LYSMD2: variants seen among roughly 807,000 people sequenced by gnomAD.
LYSMD2 encodes LysM domain containing 2.
A neutral mutation model predicts 17.7 loss-of-function variants in LYSMD2; 6 were observed. That is an observed-to-expected ratio of 0.34 (90% confidence interval 0.19 to 0.67). The LOEUF (loss-of-function observed/expected upper bound fraction) is 0.67. Ranked by LOEUF, LYSMD2 falls within the 30% of genes least tolerant of loss-of-function variation. The pLI, the probability that LYSMD2 is intolerant of heterozygous loss-of-function variation, is 0.69. For synonymous variants in LYSMD2, 102 were observed against 129.8 expected, an observed-to-expected ratio of 0.79 and a Z score of 1.45; for missense variants, 237 against 286.7, an observed-to-expected ratio of 0.83 and a Z score of 1.25.
At chr15:51,725,245 G>T in intron 1 of LYSMD2, 124 bp from the exon 2 acceptor site, 1 of 605,328 alleles carries the variant, frequency 1.7e-6, no homozygotes, top group Non-Finnish European at 2.8e-6. Context: ...TGGGATTTGA[G>T]ACTCTTCATT....
intron 1 of LYSMD2, among the ~76,000 whole-genome samples, chr15:51,728,885 T>A (rs1335607524): frequency 1.3e-5 from 2 of 151,184 alleles, no homozygotes; most frequent in African/African-American, 4.9e-5. Context: ...AAAAAAAAAA[T>A]TTGTTTCTCC....
Position 51,729,508 on chromosome 15 carries a change from G to C in LYSMD2, c.274-4387C>G, listed in dbSNP as rs1013255082. On this transcript the variant is annotated intron_variant, in intron 1 of 2. Coordinates refer to ENST00000267838, the MANE Select transcript of LYSMD2 (RefSeq NM_153374.3). Reference sequence around the variant, plus strand: ...CAGTCTCGCTCTGTCACCCAGACTGGAGTGCAGTGGCACGATCTCGGCTCA... The same window carrying C: ...CAGTCTCGCTCTGTCACCCAGACTGCAGTGCAGTGGCACGATCTCGGCTCA... 7.2e-5 allele frequency among the ~76,000 whole-genome samples: 11 copies of C among 152,176 alleles called. No individual in the cohort carries two copies. The South Asian group carries it at 1.4e-3, about 20-fold the overall frequency.
chr15:51,737,534 C>G lies in LYSMD2; in HGVS notation c.89G>C (p.Arg30Pro). 24 of 1,238,020 alleles carry G rather than the reference C, an allele frequency of 1.9e-5. No individual in the cohort carries two copies. The highest frequency in any genetic ancestry group is 2.3e-5 in the Non-Finnish European group (23 of 994,036). 76.7% of individuals were successfully genotyped at this position (1,238,020 alleles called of 1,614,324 possible). The change falls in exon 1 of 3, where the codon CGC (arginine) becomes CCC (proline). Residue 30 changes from arginine to proline, a missense_variant. Coordinates refer to ENST00000267838, the MANE Select transcript of LYSMD2 (RefSeq NM_153374.3). The surrounding 1 kb of genome is among the most constrained non-coding windows in gnomAD (Gnocchi z 4.2). The stretch of plus-strand genomic sequence containing the variant: ...GGCCTCCTCGGACTCGGAGCCGGAG[C>G]GCGAGCGCGGCGGCGGCGAGGGGGC... ...PSAPSPPPRS[R>P]SGSESEEAEL...
chr15:51,736,277 C>T (rs2055608032), intron 1 of LYSMD2, among the ~76,000 whole-genome samples: 1 of 152,152 alleles, frequency 6.6e-6, no homozygotes, highest in Non-Finnish European at 1.5e-5. Flanking sequence ...CCCATTAAGG[C>T]ACATAGAGAA....
At chr15:51,737,855 C>T (rs1411551163), upstream of LYSMD2, 19 of 300,990 alleles carry the variant, frequency 6.3e-5, no homozygotes, top group East Asian at 9.9e-4. The surrounding 1 kb of genome is among the most constrained non-coding windows in gnomAD (Gnocchi z 4.2). Context: ...AGGTTAAGAG[C>T]GAAAGCAGCT....
upstream of LYSMD2, among the ~76,000 whole-genome samples, chr15:51,739,357 C>T (rs2055632149): frequency 6.6e-6 from 1 of 152,054 alleles, no homozygotes; most frequent in South Asian, 2.1e-4. Context: ...AAAATAAATA[C>T]ATAATTACAA....
At chr15:51,737,661 G>C (rs1483740040), upstream of LYSMD2, 46 of 1,199,676 alleles carry the variant, frequency 3.8e-5, no homozygotes, top group Non-Finnish European at 4.6e-5. This position sits in a 1 kb window ranked among gnomAD's most constrained non-coding sequence, Gnocchi z 4.2. Context: ...AGCTTGCCAA[G>C]GGGGCGGCGC....
intron 1 of LYSMD2, among the ~76,000 whole-genome samples, chr15:51,731,166 C>T (rs1310305514): frequency 2.6e-5 from 4 of 152,118 alleles, no homozygotes; most frequent in Admixed American, 2.6e-4. Flanking sequence ...ACAATGGCCT[C>T]ACAACTCTGT....
chr15:51,729,282 C>T (rs2141593799), intron 1 of LYSMD2, among the ~76,000 whole-genome samples: 1 of 152,304 alleles, frequency 6.6e-6, no homozygotes, highest in Non-Finnish European at 1.5e-5. Flanking sequence ...GATGAGAAGC[C>T]ACTGGAGAGT....
rs1465961617 is a variant in LYSMD2 at position 51,723,017 on chromosome 15, T to G, written c.*590A>C. ...AGCTGTCAGCATTTAAATGTATAATTTAAAAGTCAATTTTATTTTCTCATT... is the reference window on the plus strand; with the variant it reads ...AGCTGTCAGCATTTAAATGTATAATGTAAAAGTCAATTTTATTTTCTCATT... On this transcript the variant is annotated 3_prime_UTR_variant, in exon 3 of 3. Coordinates refer to ENST00000267838, the MANE Select transcript of LYSMD2 (RefSeq NM_153374.3). 1.3e-5 allele frequency: 2 copies of G among 152,040 alleles called. No individual in the cohort carries two copies. The highest frequency in any genetic ancestry group is 2.4e-5 in the African/African-American group (1 of 41,422). The allele number at this position is 152,040 out of a possible 1,614,324, so 9.4% of individuals were successfully genotyped here. A position where few individuals can be genotyped will look rare whatever the true frequency, so the allele number is the denominator to read the frequency against.
chr15:51,737,668 G>C, upstream of LYSMD2: 1 of 1,193,122 alleles, frequency 8.4e-7, no homozygotes, highest in Non-Finnish European at 1.0e-6. The surrounding 1 kb of genome is among the most constrained non-coding windows in gnomAD (Gnocchi z 4.2). Context: ...CAAGGGGGCG[G>C]CGCCTCCTCC....
At chr15:51,727,449 A>G (rs1460602055) in intron 1 of LYSMD2, among the ~76,000 whole-genome samples, 1 of 152,168 alleles carries the variant, frequency 6.6e-6, no homozygotes, top group Non-Finnish European at 1.5e-5. Flanking sequence ...TGCTATTGCT[A>G]GTCTCTGGGT....
Position 51,737,382 on chromosome 15 carries a change from G to A in LYSMD2, c.241C>T (p.Leu81=). The change falls in exon 1 of 3, where the codon CTG becomes TTG. Residue 81 remains leucine, a synonymous_variant. Transcript: ENST00000267838. The surrounding 1 kb of genome is among the most constrained non-coding windows in gnomAD (Gnocchi z 4.2). ...CCGTACTTGAGCGCGATGCCCTGCA[G>A]CGTGTCGCCCGCGCGGACCCGGTGC... The part of the protein sequence containing the change: ...VEHRVRAGDT[L]QGIALKYGVT... 6.9e-7 allele frequency: 1 copy of A among 1,456,518 alleles called. No homozygotes were observed. Among genetic ancestry groups the A allele is most frequent in the Non-Finnish European group, 9.0e-7 (1 of 1,109,790 alleles). The allele number at this position is 1,456,518 out of a possible 1,614,324, so 90.2% of individuals were successfully genotyped here.
chr15:51,746,474 C>T (rs2055667900), intron 1 of LYSMD2, among the ~76,000 whole-genome samples: 1 of 152,146 alleles, frequency 6.6e-6, no homozygotes, highest in Non-Finnish European at 1.5e-5. Flanking sequence ...GGAATGAGTG[C>T]TAACATGTCT....
intron 1 of LYSMD2, among the ~76,000 whole-genome samples, chr15:51,746,614 A>G (rs1176327424): frequency 2.0e-5 from 3 of 152,160 alleles, no homozygotes; most frequent in Non-Finnish European, 4.4e-5. Context: ...GATATGTGAA[A>G]TATGTCTTAA....
At chr15:51,730,359 C>T (rs1335482949) in intron 1 of LYSMD2, among the ~76,000 whole-genome samples, 3 of 152,092 alleles carry the variant, frequency 2.0e-5, no homozygotes, top group Non-Finnish European at 4.4e-5. Context: ...AAGTATCCCC[C>T]AAAACATTTA....
intron 1 of LYSMD2, among the ~76,000 whole-genome samples, chr15:51,746,519 G>A (rs907188671): frequency 6.6e-6 from 1 of 152,156 alleles, no homozygotes; most frequent in African/African-American, 2.4e-5. Context: ...ACGTTCTAAA[G>A]TTATAATAGA....
At chr15:51,729,044 T>C (rs1435904593) in intron 1 of LYSMD2, among the ~76,000 whole-genome samples, 1 of 152,286 alleles carries the variant, frequency 6.6e-6, no homozygotes. Context: ...TTACAAGCTA[T>C]GGCTTAGGCC....
chr15:51,738,909 C>G (rs1273534210), upstream of LYSMD2, among the ~76,000 whole-genome samples: 2 of 152,174 alleles, frequency 1.3e-5, no homozygotes, highest in Non-Finnish European at 2.9e-5. Flanking sequence ...TCTGACCATA[C>G]CCCATCTATA....
Sources: allele counts gnomAD v4.1 joint callset (sites outside exome capture counted in the v4.1 genomes callset), GRCh38; gene constraint gnomAD v4.1.1; non-coding constraint Gnocchi (gnomAD v3.1); transcripts MANE v1.5; gene names NCBI Gene and HGNC (gene_info 2026-07-23, HGNC 2026-07-21).